Variants in SASH1 observed in about 807,000 individuals in gnomAD.
SASH1 encodes the protein SAM and SH3 domain-containing protein 1.
Under a neutral mutation model 125.2 loss-of-function variants are expected in SASH1, and 44 were observed. That is an observed-to-expected ratio of 0.35 (90% CI 0.28 to 0.45). The LOEUF (loss-of-function observed/expected upper bound fraction) is 0.45, where lower values mean the gene tolerates loss of function less well. SASH1 is among the 20% of genes least tolerant of loss of function. SASH1 has a pLI of 1.00. For synonymous variants in SASH1, 639 were observed against 649.1 expected (o/e 0.98, Z 0.24); for missense variants, 1,426 against 1,614.5 (o/e 0.88, Z 2.00).
At chr6:148,340,963 A>C (rs1257341517), upstream of SASH1, among the ~76,000 whole-genome samples, 3 of 152,092 alleles carry the variant, frequency 2.0e-5, no homozygotes. Flanking sequence ...GCAAGAGATC[A>C]TGTCTCTATA....
intron 2 of SASH1, among the ~76,000 whole-genome samples, chr6:148,424,247 G>A (rs79351429): frequency 0.19 from 27,884 of 150,108 alleles, 2,930 homozygotes; most frequent in East Asian, 0.29. Context: ...TTTTTTTTGG[G>A]GGGGGGAGGT....
intron 1 of SASH1, among the ~76,000 whole-genome samples, chr6:148,309,956 G>A (rs1780255406): frequency 1.3e-5 from 2 of 152,172 alleles, no homozygotes; most frequent in Non-Finnish European, 2.9e-5. Flanking sequence ...ATGTAGGGAA[G>A]TCTGGCAGAG....
chr6:148,245,348 T>G, the SASH1 span, among the ~76,000 whole-genome samples: 2 of 152,236 alleles, frequency 1.3e-5, no homozygotes, highest in African/African-American at 2.4e-5. Context: ...GCATGGATAC[T>G]GTTCATCATT....
At chr6:148,203,667 A>G in the SASH1 span, among the ~76,000 whole-genome samples, 1 of 152,200 alleles carries the variant, frequency 6.6e-6, no homozygotes, top group Non-Finnish European at 1.5e-5. Flanking sequence ...TCTGGCGTAT[A>G]ACTATTCATA....
intron 1 of SASH1, among the ~76,000 whole-genome samples, chr6:148,315,674 C>A (rs539498541): frequency 6.6e-6 from 1 of 152,048 alleles, no homozygotes; most frequent in African/African-American, 2.4e-5. Flanking sequence ...GAGGCCCAGG[C>A]GAGAGGATTG....
chr6:148,348,795 T>C (rs1781600589), intron 1 of SASH1, among the ~76,000 whole-genome samples: 1 of 152,246 alleles, frequency 6.6e-6, no homozygotes, highest in African/African-American at 2.4e-5. Context: ...TTGTTTAAGC[T>C]ATTGAGCTAT....
At chr6:148,339,020 AAAAAG>A (rs1471198646), upstream of SASH1, among the ~76,000 whole-genome samples, 1 of 150,376 alleles carries the variant, frequency 6.6e-6, no homozygotes, top group Non-Finnish European at 1.5e-5. Context: ...AAAAAAAAAA[AAAAAG>A]AGAGAGAGAG....
At chr6:148,346,286 A>G (rs1781517229) in intron 1 of SASH1, among the ~76,000 whole-genome samples, 1 of 152,200 alleles carries the variant, frequency 6.6e-6, no homozygotes, top group Admixed American at 6.5e-5. Flanking sequence ...TCATTAGGAC[A>G]CATTTTGCAT....
the SASH1 span, among the ~76,000 whole-genome samples, chr6:148,224,213 T>C: frequency 1.3e-5 from 2 of 152,118 alleles, no homozygotes; most frequent in African/African-American, 4.8e-5. Context: ...GGAGGATCAC[T>C]AGAGCCTAAG....
chr6:148,526,948 C>A (rs1781208129), intron 11 of SASH1, among the ~76,000 whole-genome samples: 1 of 150,876 alleles, frequency 6.6e-6, no homozygotes, highest in African/African-American at 2.4e-5. Context: ...TCTCAGCTCA[C>A]TGCAAGCTCC....
At position 148,519,072 on chromosome 6, in the gene SASH1, G is replaced by A. The variant is rs143956325; in HGVS notation, c.863-475G>A. ...TCCTTGGAGATTTAGTCACTCAAAT[G>A]GCATATGTACCAATAAAACAATCAC... is the stretch of plus-strand genomic sequence containing the variant. On this transcript the variant is annotated intron_variant, in intron 9 of 19. Transcript: ENST00000367467. This position sits in a 1 kb window ranked among gnomAD's most constrained non-coding sequence, Gnocchi z 4.8. Among the ~76,000 whole-genome samples the A allele has an allele frequency of 2.0e-5, 3 of 152,284 alleles. No individual in the cohort carries two copies. Among genetic ancestry groups the A allele is most frequent in the African/African-American group, 7.2e-5 (3 of 41,556 alleles).
At chr6:148,292,140 GAC>G (rs1161375378) in intron 1 of SASH1, among the ~76,000 whole-genome samples, 3 of 152,222 alleles carry the variant, frequency 2.0e-5, no homozygotes, top group Admixed American at 6.5e-5. Flanking sequence ...TTAGAAAGTA[GAC>G]AGAGTTGTCT....
At chr6:148,480,466 AC>A (rs1468538374) in intron 7 of SASH1, 1 of 152,200 alleles carries the variant, frequency 6.6e-6, no homozygotes, top group African/African-American at 2.4e-5. Context: ...CCTGCAGGCC[AC>A]CAAATGGGTT....
At chr6:148,225,225 A>C in the SASH1 span, among the ~76,000 whole-genome samples, 1 of 152,228 alleles carries the variant, frequency 6.6e-6, no homozygotes, top group Admixed American at 6.5e-5. Flanking sequence ...TCCTAATTGC[A>C]ATACACCAAA....
At chr6:148,255,432 T>C in the SASH1 span, among the ~76,000 whole-genome samples, 3 of 152,162 alleles carry the variant, frequency 2.0e-5, no homozygotes, top group Admixed American at 1.3e-4. Context: ...ATTACCTCCT[T>C]AAAGACCCTA....
intron 1 of SASH1, among the ~76,000 whole-genome samples, chr6:148,373,998 A>T (rs961421313): frequency 3.3e-5 from 5 of 152,224 alleles, no homozygotes; most frequent in African/African-American, 1.2e-4. Flanking sequence ...CAACAAGGAC[A>T]ACAACAAAAA....
At chr6:148,471,360 T>C in intron 5 of SASH1, 57 bp from the exon 6 acceptor site, 1 of 1,109,336 alleles carries the variant, frequency 9.0e-7, no homozygotes, top group Non-Finnish European at 1.3e-6. Flanking sequence ...TTATTAATGA[T>C]GAATTTATTG....
intron 1 of SASH1, among the ~76,000 whole-genome samples, chr6:148,307,414 C>T (rs1018799822): frequency 6.6e-6 from 1 of 152,040 alleles, no homozygotes; most frequent in African/African-American, 2.4e-5. Context: ...CCGCACCTGG[C>T]CAGCACAACC....
At chr6:148,292,402 T>G (rs1046546938) in intron 1 of SASH1, among the ~76,000 whole-genome samples, 3 of 152,204 alleles carry the variant, frequency 2.0e-5, no homozygotes, top group African/African-American at 7.2e-5. Context: ...GGATATGGGC[T>G]AATGGAGCCT....
Sources: gnomAD v4.1 joint callset for allele counts (sites outside exome capture counted in the v4.1 genomes callset) on GRCh38, gnomAD v4.1.1 for gene constraint, Gnocchi (gnomAD v3.1) non-coding constraint, MANE v1.5 for transcripts, NCBI Gene and HGNC (gene_info 2026-07-23, HGNC 2026-07-21) for gene names.